The following TAF1 variants were observed in gnomAD, a reference collection of about 807,000 sequenced individuals.
The protein encoded by TAF1 is TATA-box binding protein associated factor 1, also known as transcription initiation factor TFIID subunit 1.
A neutral mutation model predicts 138.5 loss-of-function variants in TAF1; 2 were observed. The ratio of observed to expected loss-of-function variants is 0.01; its 90% CI spans 0.01 to 0.05. TAF1 has a LOEUF of 0.05. TAF1 is among the 10% of genes least tolerant of loss of function. The probability of loss-of-function intolerance (pLI) is 1.00; values close to 1 mark genes in which losing one functional copy is unlikely to be tolerated. For missense variants in TAF1, 709 were observed against 1,478.0 expected, an observed-to-expected ratio of 0.48 and a Z score of 8.53; for synonymous variants, 437 against 503.2, an observed-to-expected ratio of 0.87 and a Z score of 1.76.
intron 22 of TAF1, among the ~76,000 whole-genome samples, chrX:71,396,064 G>A (rs750571450): frequency 2.6e-4 from 28 of 108,213 alleles, no homozygotes; most frequent in Admixed American, 7.1e-4. Context: ...CAGGAGAATC[G>A]CTTGAACCCG....
chrX:71,518,775 A>C (rs1188233502), intron 13 of TAF1, among the ~76,000 whole-genome samples: 2 of 93,486 alleles, frequency 2.1e-5, no homozygotes, highest in African/African-American at 8.3e-5. Flanking sequence ...GGCTCATTGC[A>C]ACCTTCGCCT....
At chrX:71,423,541 C>T (rs1009373307) in intron 30 of TAF1, among the ~76,000 whole-genome samples, 2 of 110,489 alleles carry the variant, frequency 1.8e-5, no homozygotes, top group African/African-American at 3.3e-5. Flanking sequence ...AGGATGCTAG[C>T]GAATGTGAGG....
In TAF1 at chrX:71,464,040, T is replaced by C; in HGVS notation, c.5616T>C (p.Asp1872=). The change falls in exon 38 of 38, where the codon GAT becomes GAC. Residue 1872 remains aspartate, a synonymous_variant. Coordinates refer to ENST00000423759, the MANE Select transcript of TAF1 (RefSeq NM_004606.5). ...SIAGDSDLDS[D]E Reference sequence around the variant, plus strand: ...CTGGGGACAGTGACTTGGACTCTGATGAATGAGGCTTCCTTTGGGCCTCCT... The same window carrying C: ...CTGGGGACAGTGACTTGGACTCTGACGAATGAGGCTTCCTTTGGGCCTCCT... 3.4e-6 allele frequency: 4 copies of C among 1,187,203 alleles called. No individual in the cohort carries two copies. Among genetic ancestry groups the C allele is most frequent in the Non-Finnish European group, 3.4e-6 (3 of 882,545 alleles).
intron 32 of TAF1, among the ~76,000 whole-genome samples, chrX:71,440,175 T>C (rs2148708566): frequency 8.9e-6 from 1 of 111,881 alleles, no homozygotes; most frequent in East Asian, 2.8e-4. Context: ...TTTGAGCATG[T>C]TATATAAATG....
At chrX:71,525,197 A>G (rs868450481) in intron 13 of TAF1, among the ~76,000 whole-genome samples, 1 of 108,910 alleles carries the variant, frequency 9.2e-6, no homozygotes, top group Non-Finnish European at 1.9e-5. Flanking sequence ...ACCCGCCACC[A>G]CACCCGGCTA....
intron 32 of TAF1, among the ~76,000 whole-genome samples, chrX:71,437,401 T>C (rs1278897446): frequency 9.1e-6 from 1 of 110,215 alleles, no homozygotes; most frequent in Non-Finnish European, 1.9e-5. Context: ...CCATCAGTGA[T>C]TGGGACCCAA....
chrX:71,452,117 C>G (rs2038008896), intron 32 of TAF1, among the ~76,000 whole-genome samples: 1 of 107,103 alleles, frequency 9.3e-6, no homozygotes, highest in South Asian at 4.2e-4. Flanking sequence ...TGACCCCCCC[C>G]CCCACCTCCC....
At chrX:71,393,714 C>T (rs755955160) in intron 21 of TAF1, among the ~76,000 whole-genome samples, 1 of 111,872 alleles carries the variant, frequency 8.9e-6, no homozygotes, top group South Asian at 3.7e-4. Context: ...GGTTCCATGA[C>T]AACTTTTATG....
chrX:71,497,505 T>G (rs2039418457), intron 13 of TAF1, among the ~76,000 whole-genome samples: 1 of 111,477 alleles, frequency 9.0e-6, no homozygotes, highest in Admixed American at 9.6e-5. Context: ...GACACTAAGA[T>G]GGCCACCACC....
In TAF1 at chrX:71,389,567, G is replaced by A; in HGVS notation, c.2701-18G>A. On this transcript the variant is annotated intron_variant, in intron 17 of 37. Transcript: ENST00000423759. ...TTTTTTAACTGACTGATTTATGCAT[G>A]GATCTGTCCTCTTCCAGGATGCTGG... 8.5e-7 allele frequency: 1 copy of A among 1,182,166 alleles called. No individual in the cohort carries two copies. Among genetic ancestry groups the A allele is most frequent in the Non-Finnish European group, 1.1e-6 (1 of 881,014 alleles).
At chrX:71,441,719 C>G in intron 32 of TAF1, 1 of 276,233 alleles carries the variant, frequency 3.6e-6, no homozygotes, top group Non-Finnish European at 6.7e-6. Context: ...GCACAACGTG[C>G]AGGTTTGTTA....
intron 37 of TAF1, among the ~76,000 whole-genome samples, chrX:71,463,176 A>G (rs1339796109): frequency 8.9e-6 from 1 of 111,896 alleles, no homozygotes; most frequent in Non-Finnish European, 1.9e-5. Flanking sequence ...TTTGGAAGGT[A>G]ATATACCAAA....
chrX:71,458,131 C>A, intron 34 of TAF1, 110 bp from the exon 35 acceptor site: 1 of 972,719 alleles, frequency 1.0e-6, no homozygotes, highest in Non-Finnish European at 1.4e-6. Context: ...TTCTCTTTAA[C>A]TGAATTGCTC....
chrX:71,422,007 C>A, intron 29 of TAF1, among the ~76,000 whole-genome samples: 1 of 112,133 alleles, frequency 8.9e-6, no homozygotes. Flanking sequence ...ACTGACAATA[C>A]TAAATGTTGA....
rs1418002821 is a variant in TAF1 at position 71,377,776 on chromosome X, C to T, written c.888C>T (p.Asp296=). The change falls in exon 6 of 38, where the codon GAC becomes GAT. Residue 296 remains aspartate, a synonymous_variant. Coordinates refer to ENST00000423759, the MANE Select transcript of TAF1 (RefSeq NM_004606.5). Reference sequence around the variant, plus strand: ...GCCAGAAGTCTTTGTGGAACTACGACTACGCTCCACCACCACCTCCAGAGC... The same window carrying T: ...GCCAGAAGTCTTTGTGGAACTACGATTACGCTCCACCACCACCTCCAGAGC... ...EVSQKSLWNY[D]YAPPPPPEQC... 9.1e-6 allele frequency: 11 copies of T among 1,209,274 alleles called. No individual in the cohort carries two copies. The highest frequency in any genetic ancestry group is 1.2e-5 in the Non-Finnish European group (11 of 895,125).
intron 34 of TAF1, among the ~76,000 whole-genome samples, chrX:71,457,306 A>C (rs1385123869): frequency 1.8e-5 from 2 of 112,896 alleles, no homozygotes; most frequent in Non-Finnish European, 3.7e-5. Flanking sequence ...ACAAGAAATA[A>C]GTTACCTCTT....
At chrX:71,376,812 A>C in intron 4 of TAF1, 138 bp from the exon 5 acceptor site, 1 of 872,710 alleles carries the variant, frequency 1.1e-6, no homozygotes, top group Non-Finnish European at 1.6e-6. Flanking sequence ...TGGGTTGCAT[A>C]CTAGTATTAT....
intron 13 of TAF1, among the ~76,000 whole-genome samples, chrX:71,475,533 C>T (rs2038963491): frequency 9.9e-6 from 1 of 101,462 alleles, no homozygotes; most frequent in Non-Finnish European, 2.0e-5. Context: ...TACAGTGAGC[C>T]GAGATCGTGC....
chrX:71,497,539 C>A (rs2039418879), intron 13 of TAF1, among the ~76,000 whole-genome samples: 1 of 111,676 alleles, frequency 9.0e-6, no homozygotes, highest in African/African-American at 3.3e-5. Context: ...AACAGTGAGG[C>A]CAGCCTTTTG....
Sources: allele counts gnomAD v4.1 joint callset (sites outside exome capture counted in the v4.1 genomes callset), GRCh38; gene constraint gnomAD v4.1.1; transcripts MANE v1.5; gene names NCBI Gene and HGNC (gene_info 2026-07-23, HGNC 2026-07-21).